The following MS4A1 variants were observed in gnomAD, a reference collection of about 807,000 sequenced individuals.
The protein encoded by MS4A1 is membrane spanning 4-domains A1.
A neutral mutation model predicts 26.5 loss-of-function variants in MS4A1; 16 were observed. The ratio of observed to expected loss-of-function variants is 0.60; its 90% CI spans 0.41 to 0.92. The LOEUF is 0.92. Ranked by LOEUF, MS4A1 falls within the 40% of genes least tolerant of loss-of-function variation. MS4A1 has a pLI of 0.00. For missense variants in MS4A1, 350 were observed against 353.0 expected, an observed-to-expected ratio of 0.99 and a Z score of 0.07; for synonymous variants, 128 against 117.6, an observed-to-expected ratio of 1.09 and a Z score of -0.57.
In MS4A1 at chr11:60,466,168, T is replaced by C; in HGVS notation, c.573+11T>C. ...CAATCTCTGTTCTTGGTAAGTGTTC[T>C]TGGTAAGTGTGAGATTGGATTTCTC... is the stretch of plus-strand genomic sequence containing the variant. On this transcript the variant is annotated intron_variant, in intron 6 of 7. Coordinates refer to ENST00000345732, the MANE Select transcript of MS4A1 (RefSeq NM_152866.3). The C allele has an allele frequency of 6.3e-7, 1 of 1,583,432 alleles. No individual in the cohort carries two copies. The highest frequency in any genetic ancestry group is 8.7e-7 in the Non-Finnish European group (1 of 1,152,272).
intron 3 of MS4A1, 30 bp from the exon 4 acceptor site, chr11:60,462,972 C>T (rs2086260757): frequency 6.2e-7 from 1 of 1,611,932 alleles, no homozygotes; most frequent in Non-Finnish European, 8.5e-7. Flanking sequence ...GATTTCAGCT[C>T]ATCCACTGCT....
Position 60,466,062 on chromosome 11 carries a change from C to A in MS4A1, c.478C>A (p.Pro160Thr). ...ESLNFIRAHT[P>T]YINIYNCEPA... The stretch of plus-strand genomic sequence containing the variant: ...TCTGAATTTTATTAGAGCTCACACA[C>A]CATATATTAACATATACAACTGTGA... The change falls in exon 6 of 8, where the codon CCA (proline) becomes ACA (threonine). Residue 160 changes from proline to threonine, a missense_variant. Pro to Thr is a conservative substitution (Grantham distance 38). Transcript: ENST00000345732. The A allele has an allele frequency of 6.2e-7, 1 of 1,613,832 alleles. No homozygotes were observed. Among genetic ancestry groups the A allele is most frequent in the Non-Finnish European group, 8.5e-7 (1 of 1,179,760 alleles).
intron 1 of MS4A1, among the ~76,000 whole-genome samples, 157 bp from the exon 2 acceptor site, chr11:60,460,915 C>CT (rs2086242404): frequency 6.6e-6 from 1 of 151,824 alleles, no homozygotes; most frequent in African/African-American, 2.4e-5. Flanking sequence ...ACTGTTCTAA[C>CT]TTTACAGAAG....
At chr11:60,465,202 A>G (rs2135200714) in intron 5 of MS4A1, among the ~76,000 whole-genome samples, 1 of 152,374 alleles carries the variant, frequency 6.6e-6, no homozygotes, top group Non-Finnish European at 1.5e-5. Flanking sequence ...ATAATAATCA[A>G]TAATCCCATA....
At chr11:60,458,727 T>C (rs1445076167) in intron 1 of MS4A1, among the ~76,000 whole-genome samples, 1 of 152,226 alleles carries the variant, frequency 6.6e-6, no homozygotes, top group Non-Finnish European at 1.5e-5. Flanking sequence ...TTATGAATTC[T>C]CATGGAACGA....
intron 2 of MS4A1, among the ~76,000 whole-genome samples, chr11:60,461,577 T>C (rs2086248332): frequency 6.6e-6 from 1 of 151,680 alleles, no homozygotes; most frequent in Non-Finnish European, 1.5e-5. Flanking sequence ...TGGAATGCAG[T>C]GGCATGATCT....
intron 3 of MS4A1, 134 bp from the exon 4 acceptor site, chr11:60,462,868 T>C (rs1374305022): frequency 3.7e-6 from 5 of 1,363,636 alleles, no homozygotes; most frequent in Non-Finnish European, 5.2e-6. Flanking sequence ...AAAGACAAAA[T>C]TCTTGGCACC....
intron 5 of MS4A1, 44 bp downstream of exon 5, chr11:60,464,388 C>T (rs750642845): frequency 2.5e-6 from 4 of 1,585,840 alleles, no homozygotes; most frequent in African/African-American, 1.3e-5. Context: ...CAGAGAAGTA[C>T]CTATTTTTTT....
intron 3 of MS4A1, among the ~76,000 whole-genome samples, 162 bp downstream of exon 3, chr11:60,462,695 G>A (rs1348128367): frequency 6.6e-6 from 1 of 152,226 alleles, no homozygotes. Context: ...GGGTGCATCA[G>A]AGAAGTTATC....
chr11:60,456,699 C>A (rs1400720605), intron 1 of MS4A1, among the ~76,000 whole-genome samples: 1 of 152,180 alleles, frequency 6.6e-6, no homozygotes, highest in Non-Finnish European at 1.5e-5. Context: ...GATTCCCTTT[C>A]CCTGTTTCCC....
At position 60,465,431 on chromosome 11, in the gene MS4A1, G is replaced by C. The variant is rs192893715; in HGVS notation, c.337-490G>C. 5.9e-5 allele frequency among the ~76,000 whole-genome samples: 9 copies of C among 152,214 alleles called. No individual in the cohort carries two copies. The East Asian group carries it at 1.3e-3, about 23-fold the overall frequency. ...CTGCTTTTTTTATTTCCATTTATTTGATAGTACAGATCTAGAGGGTTCTAT... is the reference window on the plus strand; with the variant it reads ...CTGCTTTTTTTATTTCCATTTATTTCATAGTACAGATCTAGAGGGTTCTAT... On this transcript the variant is annotated intron_variant, in intron 5 of 7. Coordinates refer to ENST00000345732, the MANE Select transcript of MS4A1 (RefSeq NM_152866.3).
intron 4 of MS4A1, 124 bp downstream of exon 4, chr11:60,463,245 T>C: frequency 1.4e-6 from 2 of 1,396,276 alleles, no homozygotes; most frequent in Non-Finnish European, 1.0e-6. Flanking sequence ...ATTATTGGGT[T>C]AAAGTAATTA....
chr11:60,462,082 C>A, intron 2 of MS4A1, 103 bp from the exon 3 acceptor site: 1 of 486,068 alleles, frequency 2.1e-6, no homozygotes, highest in Non-Finnish European at 3.8e-6. Flanking sequence ...AAGGTGTCCT[C>A]TACAAAGATA....
chr11:60,460,156 G>A (rs1388306555), intron 1 of MS4A1, among the ~76,000 whole-genome samples: 1 of 152,174 alleles, frequency 6.6e-6, no homozygotes. Context: ...TGAGGCAGAA[G>A]GATCACCTGA....
Position 60,462,550 on chromosome 11 carries a change from C to T in MS4A1, c.159+17C>T. The T allele has an allele frequency of 6.2e-7, 1 of 1,614,150 alleles. No homozygotes were observed. Among genetic ancestry groups the T allele is most frequent in the Middle Eastern group, 1.7e-4 (1 of 6,058 alleles). On this transcript the variant is annotated intron_variant, in intron 3 of 7. Transcript: ENST00000345732. ...ACTTTGGGGGTAAGTCAGTTGCCTT[C>T]CATCCCATGTCGTAGGGATTCTCTG...
intron 4 of MS4A1, 132 bp from the exon 5 acceptor site, chr11:60,464,156 G>C (rs1480278779): frequency 1.4e-6 from 1 of 692,148 alleles, no homozygotes; most frequent in Non-Finnish European, 2.6e-6. Context: ...TGGGTGGATG[G>C]TTGTGTGAAA....
At chr11:60,463,689 A>C (rs1300493847) in intron 4 of MS4A1, 6 of 403,068 alleles carry the variant, frequency 1.5e-5, no homozygotes, top group South Asian at 1.1e-4. Flanking sequence ...GCCACTATAA[A>C]AGATAAGTCC....
In MS4A1 at chr11:60,464,255, CCTCT is replaced by C. The variant is rs535127803; in HGVS notation, c.280-31_280-28del. On this transcript the variant is annotated intron_variant, in intron 4 of 7. Transcript: ENST00000345732. ...CCTCTATCTCCTGTCTTGCCCACCC[CCTCT>C]CCATCTCCCCCACCTCTCTTTTTTA... 1.7e-3 allele frequency: 2,579 copies of C among 1,513,336 alleles called. 6 individuals are homozygous for C. Among genetic ancestry groups the C allele is most frequent in the Non-Finnish European group, 1.9e-3 (2,034 of 1,091,712 alleles). 93.7% of individuals were successfully genotyped at this position (1,513,336 alleles called of 1,614,324 possible). A position where few individuals can be genotyped will look rare whatever the true frequency, so the allele number is the denominator to read the frequency against.
intron 5 of MS4A1, among the ~76,000 whole-genome samples, chr11:60,464,711 G>A (rs1351519347): frequency 6.6e-6 from 1 of 151,986 alleles, no homozygotes; most frequent in Non-Finnish European, 1.5e-5. Flanking sequence ...CCATTTTTTG[G>A]CCGTAACATT....
Sources: allele counts gnomAD v4.1 joint callset (sites outside exome capture counted in the v4.1 genomes callset), GRCh38; gene constraint gnomAD v4.1.1; transcripts MANE v1.5; gene names NCBI Gene and HGNC (gene_info 2026-07-23, HGNC 2026-07-21).